Variants in MIIP observed in about 807,000 individuals in gnomAD.
MIIP encodes the protein migration and invasion inhibitory protein, also known as migration and invasion-inhibitory protein.
MIIP carries 44 observed loss-of-function variants against 44.8 expected under a neutral mutation model. The ratio of observed to expected loss-of-function variants is 0.98; its 90% confidence interval spans 0.77 to 1.26. The LOEUF (loss-of-function observed/expected upper bound fraction) is 1.26, where lower values mean the gene tolerates loss of function less well. MIIP is among the 50% of genes most tolerant of loss of function. The pLI, the probability that MIIP is intolerant of heterozygous loss-of-function variation, is 0.00. For missense variants in MIIP, 496 were observed against 511.7 expected, an observed-to-expected ratio of 0.97 and a Z score of 0.30; for synonymous variants, 225 against 218.3, an observed-to-expected ratio of 1.03 and a Z score of -0.27.
chr1:12,022,101 C>G lies in MIIP; in HGVS notation c.121C>G (p.Leu41Val), dbSNP rs1639989169. The G allele has an allele frequency of 6.2e-7, 1 of 1,613,618 alleles. No homozygotes were observed. Among genetic ancestry groups the G allele is most frequent in the Non-Finnish European group, 8.5e-7 (1 of 1,179,750 alleles). ...SVARAASESSLESSSSYNSET... is the reference protein window; with the variant it reads ...SVARAASESSVESSSSYNSET... ...ACCCGGCCCCTCTCTCCAGTCAAGC[C>G]TGGAATCCAGCAGCAGCTACAACTC... The change falls in exon 3 of 10, where the codon CTG becomes GTG. Residue 41 changes from leucine to valine, a missense_variant. By Grantham distance (32) the Leu-to-Val change is conservative. Transcript: ENST00000235332.
In MIIP at chr1:12,029,963, G is replaced by T. The variant is rs1036648190; in HGVS notation, c.846-65G>T. 2.6e-5 allele frequency: 42 copies of T among 1,609,536 alleles called. No homozygotes were observed. In the Admixed American group the frequency reaches 6.9e-4, roughly 26 times the overall value. ...AACCACTGGTTTTAAGAAAAGATGG[G>T]CCTGGGCGTGGGCCCCCAACCGCTG... On this transcript the variant is annotated intron_variant, in intron 7 of 9. Coordinates refer to ENST00000235332, the MANE Select transcript of MIIP (RefSeq NM_021933.4).
chr1:12,021,222 G>A (rs1008618635), intron 1 of MIIP, among the ~76,000 whole-genome samples: 4 of 151,728 alleles, frequency 2.6e-5, no homozygotes, highest in Admixed American at 6.6e-5. Context: ...GTGAAACCCC[G>A]TCTCTACTAA....
In MIIP at chr1:12,031,858, C is replaced by T; in HGVS notation, c.*50C>T. The T allele has an allele frequency of 6.4e-7, 1 of 1,560,160 alleles. No individual in the cohort carries two copies. The highest frequency in any genetic ancestry group is 1.7e-5 in the Admixed American group (1 of 58,868). ...CATTCCCGCCGCCTCCAGCCTCTCC[C>T]CTCTGGCAGGCGCACCCAGGAGATG... On this transcript the variant is annotated 3_prime_UTR_variant, in exon 10 of 10. Transcript: ENST00000235332.
In MIIP at chr1:12,021,806, C is replaced by G. The variant is rs911277525; in HGVS notation, c.80C>G (p.Ala27Gly). Residue 27 changes from alanine to glycine, a missense_variant, in exon 2 of 10, where the codon GCT (alanine) becomes GGT (glycine). Physicochemically the swap from Ala to Gly is moderately conservative, Grantham distance 60. Coordinates refer to ENST00000235332, the MANE Select transcript of MIIP (RefSeq NM_021933.4). ...AGGCAGCTGTGGGTGGGGCAGGATG[C>G]TGTGCGGCGGTCAGTGGCCAGGGCA... ...LLRQLWVGQD[A>G]VRRSVARAAS... 4 of 1,611,796 alleles carry G rather than the reference C, an allele frequency of 2.5e-6. No individual in the cohort carries two copies. Among genetic ancestry groups the G allele is most frequent in the Admixed American group, 1.7e-5 (1 of 59,918 alleles).
chr1:12,022,625 A>G (rs1284083183), intron 3 of MIIP, among the ~76,000 whole-genome samples, 183 bp downstream of exon 3: 2 of 152,178 alleles, frequency 1.3e-5, no homozygotes, highest in African/African-American at 4.8e-5. Context: ...TATCTCATAC[A>G]GTGCTTTGAG....
At chr1:12,029,673 T>G (rs1367848028) in intron 6 of MIIP, 92 bp from the exon 7 acceptor site, 2 of 1,516,498 alleles carry the variant, frequency 1.3e-6, no homozygotes, top group Non-Finnish European at 1.8e-6. Context: ...GATTGGCAGC[T>G]TGTGTGGTTG....
chr1:12,019,801 G>A (rs1639931173), intron 1 of MIIP, among the ~76,000 whole-genome samples: 1 of 152,288 alleles, frequency 6.6e-6, no homozygotes, highest in Admixed American at 6.5e-5. Flanking sequence ...CGGGGCCAGG[G>A]GAGGGCAAGG....
rs80181491 is a variant in MIIP at position 12,025,000 on chromosome 1, T to C, written c.547+2083T>C. ...ACATAACGGCCTCAAGATTTATTCA[T>C]GTTGTACTGTGTGTCAGAATTCCCT... is the stretch of plus-strand genomic sequence containing the variant. On this transcript the variant is annotated intron_variant, in intron 4 of 9. Transcript: ENST00000235332. Among the ~76,000 whole-genome samples the C allele has an allele frequency of 2.2e-3, 335 of 151,994 alleles. 6 individuals are homozygous for C. In the East Asian group the frequency reaches 0.04, roughly 18 times the overall value.
At chr1:12,021,883 A>T in intron 2 of MIIP, 43 bp downstream of exon 2, 1 of 1,494,346 alleles carries the variant, frequency 6.7e-7, no homozygotes. Context: ...GGGCTACCTG[A>T]CCTTCAGGCC....
chr1:12,031,567 G>T, intron 9 of MIIP, 155 bp from the exon 10 acceptor site: 1 of 1,591,656 alleles, frequency 6.3e-7, no homozygotes, highest in Non-Finnish European at 8.6e-7. Context: ...CCTGACCCTA[G>T]CCATCCCTCG....
At position 12,031,818 on chromosome 1, in the gene MIIP, C is replaced by G. The variant is rs1206052076; in HGVS notation, c.*10C>G. ...ACGGCAGAAGCCCTGAGGACTGACT[C>G]CTGGGGGAGAACAGCATTCCCGCCG... is the stretch of plus-strand genomic sequence containing the variant. On this transcript the variant is annotated 3_prime_UTR_variant, in exon 10 of 10. Coordinates refer to ENST00000235332, the MANE Select transcript of MIIP (RefSeq NM_021933.4). The G allele has an allele frequency of 1.9e-6, 3 of 1,612,366 alleles. No individual in the cohort carries two copies. The highest frequency in any genetic ancestry group is 1.3e-5 in the African/African-American group (1 of 74,896).
In MIIP at chr1:12,022,430, C is replaced by G; in HGVS notation, c.450C>G (p.Ser150Arg). The part of the protein sequence containing the change: ...QTPRSILAQQ[S>R]KLSKPRVTFS... Reference sequence around the variant, plus strand: ...CGAGGTCCATCCTGGCTCAACAGAGCAAGCTGTCCAAGGTAACGTGGGAGA... The same window carrying G: ...CGAGGTCCATCCTGGCTCAACAGAGGAAGCTGTCCAAGGTAACGTGGGAGA... Residue 150 changes from serine (S) to arginine (R), a missense_variant, in exon 3 of 10, where the codon AGC becomes AGG. By Grantham distance (110) the Ser-to-Arg change is moderately radical (BLOSUM62 -1). Coordinates refer to ENST00000235332, the MANE Select transcript of MIIP (RefSeq NM_021933.4). 6.4e-7 allele frequency: 1 copy of G among 1,566,368 alleles called. No individual in the cohort carries two copies. Among genetic ancestry groups the G allele is most frequent in the East Asian group, 2.3e-5 (1 of 44,082 alleles).
intron 4 of MIIP, among the ~76,000 whole-genome samples, chr1:12,025,824 G>GA (rs1640094436): frequency 6.6e-6 from 1 of 151,976 alleles, no homozygotes; most frequent in African/African-American, 2.4e-5. Flanking sequence ...CAGCCTCCCA[G>GA]GTAGCTGGGA....
chr1:12,024,949 T>C (rs1640070502), intron 4 of MIIP, among the ~76,000 whole-genome samples: 1 of 152,170 alleles, frequency 6.6e-6, no homozygotes, highest in South Asian at 2.1e-4. Flanking sequence ...TAGCCTTTGT[T>C]CTTTTGTACT....
intron 1 of MIIP, among the ~76,000 whole-genome samples, chr1:12,021,381 A>G (rs897332872): frequency 2.0e-5 from 3 of 151,586 alleles, no homozygotes; most frequent in African/African-American, 7.3e-5. Context: ...GCGACAGAGC[A>G]AGACTCCATC....
rs761157763 is a variant in MIIP, at chr1:12,029,849, G to A, written c.800G>A (p.Arg267Gln). 1.4e-5 allele frequency: 23 copies of A among 1,613,250 alleles called. No individual in the cohort carries two copies. Among genetic ancestry groups the A allele is most frequent in the Non-Finnish European group, 1.7e-5 (20 of 1,179,692 alleles). The change falls in exon 7 of 10, where the codon CGA (arginine) becomes CAA (glutamine). Residue 267 changes from arginine (R) to glutamine (Q), a missense_variant. Transcript: ENST00000235332. ...GTPCRLCRTP[R>Q]DQQGPGTLAQ... ...CCCTGCCGCCTGTGCAGGACACCGCGAGACCAGCAGGGCCCTGGGACCCTG... is the reference window on the plus strand; with the variant it reads ...CCCTGCCGCCTGTGCAGGACACCGCAAGACCAGCAGGGCCCTGGGACCCTG...
intron 4 of MIIP, among the ~76,000 whole-genome samples, chr1:12,025,203 G>C (rs1640079870): frequency 6.6e-6 from 1 of 151,680 alleles, no homozygotes; most frequent in Non-Finnish European, 1.5e-5. Context: ...GGTATTACAG[G>C]TGTGCGCCAC....
Position 12,031,786 on chromosome 1 carries a change from A to G in MIIP, c.1145A>G (p.His382Arg), listed in dbSNP as rs756943086. The G allele has an allele frequency of 5.1e-5, 82 of 1,613,646 alleles. No homozygotes were observed. Among genetic ancestry groups the G allele is most frequent in the Non-Finnish European group, 6.6e-5 (78 of 1,179,876 alleles). Reference sequence around the variant, plus strand: ...TCAGTGCCCCAGGTCCCTCGGCCCCACGTCCCACGGCAGAAGCCCTGAGGA... The same window carrying G: ...TCAGTGCCCCAGGTCCCTCGGCCCCGCGTCCCACGGCAGAAGCCCTGAGGA... ...TWSVPQVPRP[H>R]VPRQKP is the part of the protein sequence containing the mutation. Residue 382 changes from histidine (H) to arginine (R), a missense_variant, in exon 10 of 10, where the codon CAC (histidine) becomes CGC (arginine). Physicochemically the swap from His to Arg is conservative, Grantham distance 29 (BLOSUM62 0). Coordinates refer to ENST00000235332, the MANE Select transcript of MIIP (RefSeq NM_021933.4).
At chr1:12,030,231 C>A in intron 8 of MIIP, 107 bp downstream of exon 8, 2 of 1,057,254 alleles carry the variant, frequency 1.9e-6, no homozygotes, top group South Asian at 1.4e-5. Context: ...CAAGGGTGAG[C>A]GCCCAAGTCT....
Sources: allele counts gnomAD v4.1 joint callset (sites outside exome capture counted in the v4.1 genomes callset), GRCh38; gene constraint gnomAD v4.1.1; transcripts MANE v1.5; gene names NCBI Gene and HGNC (gene_info 2026-07-23, HGNC 2026-07-21).